The following MAML3 variants were observed in gnomAD, a reference collection of about 807,000 sequenced individuals.
The protein encoded by MAML3 is mastermind-like protein 3.
A neutral mutation model predicts 101.9 loss-of-function variants in MAML3; 27 were observed. That is an observed-to-expected ratio of 0.27 (90% CI 0.20 to 0.37). The LOEUF (loss-of-function observed/expected upper bound fraction) is 0.37. Ranked by LOEUF, MAML3 falls within the 10% of genes least tolerant of loss-of-function variation. The pLI, the probability that MAML3 is intolerant of heterozygous loss-of-function variation, is 1.00. For missense variants in MAML3, 1,316 were observed against 1,444.9 expected, an observed-to-expected ratio of 0.91 and a Z score of 1.45; for synonymous variants, 501 against 555.9, an observed-to-expected ratio of 0.90 and a Z score of 1.39.
intron 1 of MAML3, among the ~76,000 whole-genome samples, chr4:139,897,812 C>G (rs1732641341): frequency 6.6e-6 from 1 of 152,166 alleles, no homozygotes. Context: ...TGACTGGATC[C>G]TCATCCCAGC....
At chr4:139,809,583 G>A (rs1275676217) in intron 2 of MAML3, among the ~76,000 whole-genome samples, 2 of 152,182 alleles carry the variant, frequency 1.3e-5, no homozygotes, top group African/African-American at 4.8e-5. Context: ...GGCCTGGGGC[G>A]GGAAACAAGG....
intron 1 of MAML3, among the ~76,000 whole-genome samples, chr4:140,151,597 G>C (rs1053392018): frequency 5.9e-5 from 9 of 152,050 alleles, no homozygotes; most frequent in African/African-American, 2.2e-4. Context: ...CGATCGCTGG[G>C]CGGTCTGCAC....
intron 1 of MAML3, among the ~76,000 whole-genome samples, chr4:139,917,335 T>C (rs1262406900): frequency 6.6e-6 from 1 of 152,174 alleles, no homozygotes; most frequent in South Asian, 2.1e-4. Context: ...CAGGGAGACA[T>C]AGTTATGCTC....
intron 2 of MAML3, among the ~76,000 whole-genome samples, chr4:139,781,157 C>T (rs1040046666): frequency 6.6e-6 from 1 of 151,854 alleles, no homozygotes; most frequent in Admixed American, 6.6e-5. Flanking sequence ...ATTTATTTAC[C>T]ACCGTCAAAG....
chr4:139,879,559 A>G (rs866301471), intron 2 of MAML3, among the ~76,000 whole-genome samples: 73 of 148,340 alleles, frequency 4.9e-4, no homozygotes, highest in African/African-American at 1.8e-3. Flanking sequence ...AAGAAAAGAA[A>G]AAAGAGAAAG....
At chr4:139,897,967 T>C (rs1732643976) in intron 1 of MAML3, among the ~76,000 whole-genome samples, 2 of 152,262 alleles carry the variant, frequency 1.3e-5, no homozygotes, top group South Asian at 4.1e-4. Context: ...AGCCTTTGCA[T>C]ATTTTACACT....
rs1185558203 is a variant in MAML3, at chr4:140,153,076, G to A, written c.252C>T (p.Cys84=). The A allele has an allele frequency of 1.3e-6, 2 of 1,560,636 alleles. No homozygotes were observed. The highest frequency in any genetic ancestry group is 1.4e-5 in the African/African-American group (1 of 73,536). ...VERLRQRIEG[C]RRHHVNCENR... ...TCTCGCAGTTGACGTGGTGCCGACG[G>A]CAGCCCTCGATGCGCTGGCGGAGCC... is the stretch of plus-strand genomic sequence containing the variant. Residue 84 remains cysteine, a synonymous_variant, in exon 1 of 5, where the codon TGC becomes TGT. Transcript: ENST00000509479.
chr4:139,719,412 C>T lies in MAML3; in HGVS notation c.3328G>A (p.Asp1110Asn). 1 of 1,614,062 alleles carries T rather than the reference C, an allele frequency of 6.2e-7. No homozygotes were observed. The highest frequency in any genetic ancestry group is 2.2e-5 in the East Asian group (1 of 44,874). ...ATGGAGTCCACAAGGTCTGCACCGT[C>T]CGGGAGGCCAGGGAAGGAACCCCCA... ...GAGGSFPGLPDGADLVDSIIK... is the reference protein window; with the variant it reads ...GAGGSFPGLPNGADLVDSIIK... The change falls in exon 5 of 5, where the codon GAC (aspartate) becomes AAC (asparagine). Residue 1110 changes from aspartate (D) to asparagine (N), a missense_variant. Asp to Asn is a conservative substitution (Grantham distance 23). Transcript: ENST00000509479.
At chr4:140,030,787 G>T (rs1172877167) in intron 1 of MAML3, among the ~76,000 whole-genome samples, 1 of 152,202 alleles carries the variant, frequency 6.6e-6, no homozygotes, top group Non-Finnish European at 1.5e-5. Context: ...CCGCCACTGG[G>T]CAAGCCTCAT....
intron 2 of MAML3, among the ~76,000 whole-genome samples, chr4:139,860,722 A>G (rs1455974130): frequency 6.6e-6 from 1 of 152,150 alleles, no homozygotes; most frequent in Non-Finnish European, 1.5e-5. Context: ...AAAGCTATGT[A>G]TACATATACC....
At chr4:139,721,354 C>T (rs935577472) in intron 4 of MAML3, among the ~76,000 whole-genome samples, 10 of 152,094 alleles carry the variant, frequency 6.6e-5, no homozygotes, top group African/African-American at 2.2e-4. Flanking sequence ...TACACAAAAA[C>T]GGATTTTTCT....
intron 1 of MAML3, among the ~76,000 whole-genome samples, chr4:139,999,121 GGC>G (rs776936575): frequency 4.6e-5 from 7 of 151,850 alleles, no homozygotes; most frequent in Non-Finnish European, 8.8e-5. Context: ...AGATTGCTTG[GGC>G]TCTCTTTGTT....
intron 1 of MAML3, among the ~76,000 whole-genome samples, chr4:139,974,898 T>C (rs891685782): frequency 7.2e-5 from 11 of 152,122 alleles, no homozygotes; most frequent in African/African-American, 2.7e-4. Context: ...GGTCACTGTT[T>C]ACTAAGAGTG....
intron 1 of MAML3, among the ~76,000 whole-genome samples, chr4:139,956,570 T>C (rs1032980581): frequency 2.6e-5 from 4 of 152,180 alleles, no homozygotes; most frequent in African/African-American, 4.8e-5. Flanking sequence ...AATGAAAGGT[T>C]TGGCACAAAG....
intron 2 of MAML3, among the ~76,000 whole-genome samples, chr4:139,768,776 C>A (rs919856704): frequency 9.2e-5 from 14 of 152,200 alleles, no homozygotes; most frequent in Admixed American, 6.5e-4. Context: ...AGACAGAAAT[C>A]AAGGCCTGAA....
chr4:140,089,330 A>C (rs1728006907), intron 1 of MAML3, among the ~76,000 whole-genome samples: 2 of 152,242 alleles, frequency 1.3e-5, no homozygotes, highest in Admixed American at 1.3e-4. Context: ...AAAAGAATGG[A>C]AACCCCCCCT....
At chr4:139,996,580 GATA>G (rs1345032362) in intron 1 of MAML3, among the ~76,000 whole-genome samples, 1 of 151,988 alleles carries the variant, frequency 6.6e-6, no homozygotes, top group Non-Finnish European at 1.5e-5. Context: ...TTTTGTTGAT[GATA>G]ATGATTAGTA....
At chr4:139,970,876 G>C (rs1734223543) in intron 1 of MAML3, among the ~76,000 whole-genome samples, 1 of 152,136 alleles carries the variant, frequency 6.6e-6, no homozygotes, top group African/African-American at 2.4e-5. Flanking sequence ...CCTAGCATAT[G>C]GCAGTCAGTC....
At chr4:139,752,408 T>C (rs1423099595) in intron 2 of MAML3, among the ~76,000 whole-genome samples, 1 of 152,148 alleles carries the variant, frequency 6.6e-6, no homozygotes, top group East Asian at 1.9e-4. Context: ...ACCCAACTCC[T>C]CTTCCAGTGT....
Sources: allele counts gnomAD v4.1 joint callset (sites outside exome capture counted in the v4.1 genomes callset), GRCh38; gene constraint gnomAD v4.1.1; transcripts MANE v1.5; gene names NCBI Gene and HGNC (gene_info 2026-07-23, HGNC 2026-07-21).